Variants in ERICH3 observed in about 807,000 individuals in gnomAD.
ERICH3 encodes glutamate-rich protein 3.
Under a neutral mutation model 131.1 loss-of-function variants are expected in ERICH3, and 126 were observed. The ratio of observed to expected loss-of-function variants is 0.96; its 90% CI spans 0.83 to 1.11. The LOEUF (loss-of-function observed/expected upper bound fraction) is 1.11, where lower values mean the gene tolerates loss of function less well. Ranked by LOEUF, ERICH3 falls within the 50% of genes most tolerant of loss-of-function variation. The probability of loss-of-function intolerance (pLI) is 0.00; values close to 1 mark genes in which losing one functional copy is unlikely to be tolerated. For missense variants in ERICH3, 2,050 were observed against 1,810.7 expected, an observed-to-expected ratio of 1.13 and a Z score of -2.40; for synonymous variants, 695 against 644.6, an observed-to-expected ratio of 1.08 and a Z score of -1.18.
At chr1:74,668,328 G>T (rs768028863) in intron 1 of ERICH3, among the ~76,000 whole-genome samples, 1 of 152,010 alleles carries the variant, frequency 6.6e-6, no homozygotes, top group Non-Finnish European at 1.5e-5. Context: ...TCTTCATCTG[G>T]TGGTCTTATT....
At chr1:74,655,995 T>C (rs1196047683) in intron 1 of ERICH3, among the ~76,000 whole-genome samples, 1 of 152,162 alleles carries the variant, frequency 6.6e-6, no homozygotes, top group East Asian at 1.9e-4. Flanking sequence ...TTCCTTCACT[T>C]TTTTTCTGTA....
In ERICH3 at chr1:74,572,904, C is replaced by A. The variant is rs1646982738; in HGVS notation, c.2806G>T (p.Gly936Trp). ...TCTCCGACATCACTCACAGCCACCCCACCCTCAGCCTCTCCCTCCTCCGAT... is the reference window on the plus strand; with the variant it reads ...TCTCCGACATCACTCACAGCCACCCAACCCTCAGCCTCTCCCTCCTCCGAT... ...ATSEEGEAEG[G>W]VAVSDVGESE... Residue 936 changes from glycine (G) to tryptophan (W), a missense_variant, in exon 14 of 15, where the codon GGG becomes TGG. Coordinates refer to ENST00000326665, the MANE Select transcript of ERICH3 (RefSeq NM_001002912.5). 1 of 1,614,076 alleles carries A rather than the reference C, an allele frequency of 6.2e-7. No homozygotes were observed. The highest frequency in any genetic ancestry group is 1.3e-5 in the African/African-American group (1 of 75,022).
intron 13 of ERICH3, among the ~76,000 whole-genome samples, chr1:74,574,266 T>C (rs186268858): frequency 6.6e-6 from 1 of 152,260 alleles, no homozygotes; most frequent in Admixed American, 6.5e-5. Context: ...ATTACAGGTG[T>C]GGGCCACTGC....
intron 1 of ERICH3, among the ~76,000 whole-genome samples, chr1:74,666,741 T>A (rs1646696636): frequency 6.6e-6 from 1 of 151,796 alleles, no homozygotes. Context: ...TTGGGTCGAC[T>A]TTTTAGTTAG....
intron 1 of ERICH3, among the ~76,000 whole-genome samples, chr1:74,650,922 A>G (rs1057190650): frequency 6.6e-6 from 1 of 151,956 alleles, no homozygotes; most frequent in East Asian, 1.9e-4. Flanking sequence ...ACAAAGAGGA[A>G]GACAGACAGA....
Position 74,590,055 on chromosome 1 carries a change from T to A in ERICH3, c.1752A>T (p.Ser584=). Residue 584 remains serine (S), a synonymous_variant, in exon 12 of 15, where the codon TCA becomes TCT. Coordinates refer to ENST00000326665, the MANE Select transcript of ERICH3 (RefSeq NM_001002912.5). ...KQDMKTASST[S]SRSHPYSSDS... is the part of the protein sequence containing the mutation. ...CACTAGAATAAGGGTGACTTCTGGA[T>A]GAGGTTGATGAAGCAGTTTTCATAT... is the stretch of plus-strand genomic sequence containing the variant. 6.2e-7 allele frequency: 1 copy of A among 1,607,102 alleles called. No individual in the cohort carries two copies. Among genetic ancestry groups the A allele is most frequent in the Non-Finnish European group, 8.5e-7 (1 of 1,175,960 alleles).
intron 3 of ERICH3, among the ~76,000 whole-genome samples, chr1:74,645,597 T>A: frequency 6.6e-6 from 1 of 152,038 alleles, no homozygotes; most frequent in East Asian, 1.9e-4. Context: ...AACAGAGAAC[T>A]CAGTGCCTAT....
intron 12 of ERICH3, among the ~76,000 whole-genome samples, chr1:74,588,221 C>T (rs1437522603): frequency 6.6e-6 from 1 of 152,166 alleles, no homozygotes; most frequent in South Asian, 2.1e-4. Context: ...TTCTCAAATA[C>T]GTTCTTCGTG....
In ERICH3 at chr1:74,570,453, A is replaced by G. The variant is rs1036256229; in HGVS notation, c.*19-14T>C. The G allele has an allele frequency of 2.0e-5, 3 of 152,212 alleles. No homozygotes were observed. The highest frequency in any genetic ancestry group is 7.2e-5 in the African/African-American group (3 of 41,430). The allele number at this position is 152,212 out of a possible 1,614,324, so 9.4% of individuals were successfully genotyped here. ...CTTTAAATTATCCTGAAAAACAATA[A>G]AAAGGATAGTAGTACCAGGATAAAA... On this transcript the variant is annotated splice_polypyrimidine_tract_variant and intron_variant, in intron 14 of 14. Transcript: ENST00000326665.
rs750554479 is a variant in ERICH3, at chr1:74,571,922, C to T, written c.3788G>A (p.Gly1263Glu). 1.2e-6 allele frequency: 2 copies of T among 1,612,800 alleles called. No individual in the cohort carries two copies. Among genetic ancestry groups the T allele is most frequent in the Admixed American group, 3.3e-5 (2 of 60,028 alleles). Residue 1263 changes from glycine (G) to glutamate (E), a missense_variant, in exon 14 of 15, where the codon GGA becomes GAA. By Grantham distance (98) the Gly-to-Glu change is moderately conservative (BLOSUM62 -2). Transcript: ENST00000326665. ...GLEGRAEGQG[G>E]VDVVLRTQEA... ...CTGGGTCCTTAGCACGACATCCACT[C>T]CTCCTTGCCCTTCAGCTCTCCCCTC... is the stretch of plus-strand genomic sequence containing the variant.
intron 8 of ERICH3, among the ~76,000 whole-genome samples, chr1:74,617,951 T>G (rs1649049075): frequency 2.0e-5 from 3 of 152,052 alleles, no homozygotes; most frequent in Admixed American, 2.0e-4. Flanking sequence ...TCCCAATGCT[T>G]TGTGAGGCCA....
At position 74,573,144 on chromosome 1, in the gene ERICH3, AC is replaced by A. The variant is rs776195150; in HGVS notation, c.2565del (p.Ser856GlnfsTer4). 1.2e-6 allele frequency: 2 copies of A among 1,606,622 alleles called. No homozygotes were observed. The highest frequency in any genetic ancestry group is 1.7e-6 in the Non-Finnish European group (2 of 1,177,038). On this transcript the variant is annotated frameshift_variant, in exon 14 of 15. Transcript: ENST00000326665. LOFTEE classifies it high-confidence loss of function. ...GCTGCTGCTTGTCCTATGGGGTCTG[AC>A]CCCCCTTCACCCAGCCTTCTGACCC... Reference protein sequence around the residue: ...AEGVRRLGEGGSDPIGQAAAK... With the variant: ...AEGVRRLGEGXSDPIGQAAAK...
chr1:74,640,396 A>G (rs1001791056), intron 5 of ERICH3, among the ~76,000 whole-genome samples: 2 of 152,194 alleles, frequency 1.3e-5, no homozygotes, highest in South Asian at 4.1e-4. Flanking sequence ...ATGTCAAAAC[A>G]TATTTACCCT....
rs867629262 is a variant in ERICH3 at position 74,606,803 on chromosome 1, C to A, written c.1287G>T (p.Gly429=). ...EKGEELKKAE[G]KVRKEREYVI... is the part of the protein sequence containing the mutation. The stretch of plus-strand genomic sequence containing the variant: ...CATACTCTCTCTCTTTCCTCACTTT[C>A]CCCTCAGCCTTCTTCAGTTCCTCTC... The change falls in exon 10 of 15, where the codon GGG becomes GGT. Residue 429 remains glycine, a synonymous_variant. Transcript: ENST00000326665. 3 of 1,613,300 alleles carry A rather than the reference C, an allele frequency of 1.9e-6. No homozygotes were observed. Among genetic ancestry groups the A allele is most frequent in the Non-Finnish European group, 2.5e-6 (3 of 1,179,522 alleles).
chr1:74,592,662 GGTTCAA>G, intron 11 of ERICH3, among the ~76,000 whole-genome samples: 1 of 152,136 alleles, frequency 6.6e-6, no homozygotes, highest in Admixed American at 6.6e-5. Flanking sequence ...AATATACTCT[GGTTCAA>G]GTTTGAGTCA....
Position 74,572,985 on chromosome 1 carries a change from C to G in ERICH3, c.2725G>C (p.Ala909Pro). ...TGAAGATGCTCCAAGTTCAGGGCTG[C>G]TGCTTCATTTGCAAGCACTGCCTTC... ...LEKAVLANEA[A>P]ALNLEHLHEV... Residue 909 changes from alanine to proline, a missense_variant, in exon 14 of 15, where the codon GCA becomes CCA. Ala to Pro is a conservative substitution (Grantham distance 27). Coordinates refer to ENST00000326665, the MANE Select transcript of ERICH3 (RefSeq NM_001002912.5). The G allele has an allele frequency of 6.2e-7, 1 of 1,614,156 alleles. No individual in the cohort carries two copies. The highest frequency in any genetic ancestry group is 8.5e-7 in the Non-Finnish European group (1 of 1,180,020).
intron 1 of ERICH3, among the ~76,000 whole-genome samples, chr1:74,655,232 T>G (rs1007298055): frequency 2.0e-5 from 3 of 152,214 alleles, no homozygotes; most frequent in Non-Finnish European, 4.4e-5. Context: ...AATTGTGACT[T>G]ATTCCATATA....
intron 1 of ERICH3, among the ~76,000 whole-genome samples, chr1:74,664,809 GTAAT>G (rs1646674055): frequency 1.3e-5 from 2 of 152,194 alleles, no homozygotes; most frequent in African/African-American, 4.8e-5. Context: ...GAGGTAGGAA[GTAAT>G]TAGATTACTA....
chr1:74,583,404 TAAC>T (rs771099368), intron 12 of ERICH3, among the ~76,000 whole-genome samples: 4 of 152,152 alleles, frequency 2.6e-5, no homozygotes, highest in South Asian at 4.1e-4. Flanking sequence ...CATAAGAGAT[TAAC>T]AACAATAACT....
Sources: gnomAD v4.1 joint callset for allele counts (sites outside exome capture counted in the v4.1 genomes callset) on GRCh38, gnomAD v4.1.1 for gene constraint, MANE v1.5 for transcripts, NCBI Gene and HGNC (gene_info 2026-07-23, HGNC 2026-07-21) for gene names.